Variants in CSMD1 observed in about 807,000 individuals in gnomAD.
The protein encoded by CSMD1 is CUB and Sushi multiple domains 1, also known as CUB and sushi domain-containing protein 1.
Under a neutral mutation model 417.5 loss-of-function variants are expected in CSMD1, and 213 were observed. The ratio of observed to expected loss-of-function variants is 0.51; its 90% CI spans 0.46 to 0.57. The LOEUF is 0.57. CSMD1 is among the 20% of genes least tolerant of loss of function. The pLI, the probability that CSMD1 is intolerant of heterozygous loss-of-function variation, is 0.00. For missense variants in CSMD1, 6,923 were observed against 4,529.7 expected, an observed-to-expected ratio of 1.53 and a Z score of -15.17; for synonymous variants, 2,862 against 1,736.8, an observed-to-expected ratio of 1.65 and a Z score of -16.11.
chr8:3,680,338 A>C (rs1166377547), intron 7 of CSMD1, among the ~76,000 whole-genome samples: 1 of 152,234 alleles, frequency 6.6e-6, no homozygotes, highest in South Asian at 2.1e-4. Flanking sequence ...GACGCAATAA[A>C]AAATGACAAA....
rs192907274 is a variant in CSMD1 at position 3,076,798 on chromosome 8, G to A, written c.7474+10299C>T. On this transcript the variant is annotated intron_variant, in intron 49 of 69. Transcript: ENST00000635120. Reference sequence around the variant, plus strand: ...GCTTTGCGCAAAATGCTGGGGATTCGAAGGTACAGCAGAATCTCTGCCTTT... The same window carrying A: ...GCTTTGCGCAAAATGCTGGGGATTCAAAGGTACAGCAGAATCTCTGCCTTT... 2.8e-4 allele frequency among the ~76,000 whole-genome samples: 42 copies of A among 152,272 alleles called. No individual in the cohort carries two copies. The East Asian group carries it at 4.6e-3, about 17-fold the overall frequency.
chr8:3,379,568 G>A (rs1201452245), intron 18 of CSMD1, among the ~76,000 whole-genome samples: 3 of 152,152 alleles, frequency 2.0e-5, no homozygotes, highest in Non-Finnish European at 4.4e-5. Context: ...CAATGGAACA[G>A]AACAGAGGTC....
At chr8:4,335,543 C>G (rs1800116055) in intron 3 of CSMD1, among the ~76,000 whole-genome samples, 1 of 152,090 alleles carries the variant, frequency 6.6e-6, no homozygotes, top group Admixed American at 6.6e-5. Context: ...GCACCAACAT[C>G]TAAATTAGCT....
At chr8:3,164,428 C>G (rs1406374091) in intron 37 of CSMD1, among the ~76,000 whole-genome samples, 2 of 152,130 alleles carry the variant, frequency 1.3e-5, no homozygotes, top group African/African-American at 2.4e-5. Flanking sequence ...GATAAAACTG[C>G]TAAATATGAA....
chr8:3,036,917 C>T (rs187483508), intron 50 of CSMD1, among the ~76,000 whole-genome samples: 3 of 152,134 alleles, frequency 2.0e-5, no homozygotes, highest in South Asian at 2.1e-4. Flanking sequence ...GTGCACCTGT[C>T]ATCCAAGCAG....
intron 5 of CSMD1, among the ~76,000 whole-genome samples, chr8:3,761,701 T>G (rs1261643850): frequency 6.6e-6 from 1 of 152,056 alleles, no homozygotes; most frequent in Non-Finnish European, 1.5e-5. Context: ...AGATGAGGTT[T>G]CACCATGTTG....
chr8:4,924,456 C>G (rs902565659), intron 1 of CSMD1, among the ~76,000 whole-genome samples: 1 of 152,102 alleles, frequency 6.6e-6, no homozygotes, highest in South Asian at 2.1e-4. Flanking sequence ...GGCACGGTGG[C>G]TCACGCCTGT....
chr8:4,233,699 G>T (rs964332421), intron 3 of CSMD1, among the ~76,000 whole-genome samples: 1 of 152,044 alleles, frequency 6.6e-6, no homozygotes, highest in African/African-American at 2.4e-5. Flanking sequence ...TGGAATTTTG[G>T]TACAGCAGCC....
chr8:3,793,236 G>C (rs1436257973), intron 5 of CSMD1, among the ~76,000 whole-genome samples: 4 of 152,148 alleles, frequency 2.6e-5, no homozygotes, highest in African/African-American at 9.7e-5. Flanking sequence ...TCCTGTTCCA[G>C]ACCTTAATGG....
chr8:3,568,341 A>C (rs1799805212), intron 10 of CSMD1, among the ~76,000 whole-genome samples: 1 of 152,096 alleles, frequency 6.6e-6, no homozygotes, highest in Non-Finnish European at 1.5e-5. Flanking sequence ...GCTGAGTAAT[A>C]TTTCATTGTG....
At chr8:4,841,155 T>G (rs1800815334) in intron 1 of CSMD1, among the ~76,000 whole-genome samples, 1 of 152,224 alleles carries the variant, frequency 6.6e-6, no homozygotes, top group Admixed American at 6.5e-5. Flanking sequence ...CATATATAAA[T>G]AATGGTCAGA....
At chr8:3,156,668 A>C (rs1171702025) in intron 39 of CSMD1, among the ~76,000 whole-genome samples, 1 of 152,204 alleles carries the variant, frequency 6.6e-6, no homozygotes, top group Admixed American at 6.5e-5. Flanking sequence ...ATTTGGAAAA[A>C]ATAAAAAGAA....
intron 2 of CSMD1, among the ~76,000 whole-genome samples, chr8:4,423,115 G>C (rs564178294): frequency 6.6e-6 from 1 of 152,066 alleles, no homozygotes; most frequent in Non-Finnish European, 1.5e-5. Context: ...AAGACTGAAT[G>C]CTTCTGCCTA....
intron 1 of CSMD1, among the ~76,000 whole-genome samples, chr8:4,989,436 C>A (rs977402218): frequency 6.6e-6 from 1 of 152,140 alleles, no homozygotes; most frequent in African/African-American, 2.4e-5. Context: ...CCCAAAGACA[C>A]AAATACTGTA....
chr8:2,939,429 T>C (rs1801710822), intron 69 of CSMD1, among the ~76,000 whole-genome samples: 1 of 152,244 alleles, frequency 6.6e-6, no homozygotes, highest in African/African-American at 2.4e-5. Context: ...TATTAAACTG[T>C]TGTCACATTT....
intron 33 of CSMD1, among the ~76,000 whole-genome samples, chr8:3,194,797 A>C (rs1314292667): frequency 6.6e-6 from 1 of 151,900 alleles, no homozygotes; most frequent in Non-Finnish European, 1.5e-5. Flanking sequence ...ATGAATGCTA[A>C]AGAGACTGAG....
chr8:4,479,795 C>G (rs1005902359), intron 2 of CSMD1, among the ~76,000 whole-genome samples: 1 of 151,748 alleles, frequency 6.6e-6, no homozygotes, highest in Non-Finnish European at 1.5e-5. Context: ...AAACCCCGTT[C>G]TCTACTGAAA....
chr8:3,591,689 T>C (rs182231112), intron 8 of CSMD1, among the ~76,000 whole-genome samples: 11 of 152,192 alleles, frequency 7.2e-5, no homozygotes, highest in East Asian at 5.8e-4. Context: ...AGATGAGAGA[T>C]AGATGATTGA....
intron 1 of CSMD1, among the ~76,000 whole-genome samples, chr8:4,805,176 G>C (rs191527959): frequency 2.0e-5 from 3 of 152,100 alleles, no homozygotes; most frequent in Admixed American, 6.5e-5. Context: ...CAGTTTACTC[G>C]TTTGTATAGA....
Sources: gnomAD v4.1 joint callset for allele counts (sites outside exome capture counted in the v4.1 genomes callset) on GRCh38, gnomAD v4.1.1 for gene constraint, MANE v1.5 for transcripts, NCBI Gene and HGNC (gene_info 2026-07-23, HGNC 2026-07-21) for gene names.